The following TRIP12 variants were observed in gnomAD, a reference collection of about 807,000 sequenced individuals.
The protein encoded by TRIP12 is E3 ubiquitin-protein ligase TRIP12.
A neutral mutation model predicts 244.2 loss-of-function variants in TRIP12; 25 were observed. The observed-to-expected ratio is 0.10, with a 90% CI of 0.07 to 0.14. The LOEUF is 0.14. Ranked by LOEUF, TRIP12 falls within the 10% of genes least tolerant of loss-of-function variation. The pLI is 1.00. For missense variants in TRIP12, 1,677 were observed against 2,486.4 expected (o/e 0.67, Z 6.92); for synonymous variants, 905 against 873.1 (o/e 1.04, Z -0.64).
At chr2:229,922,243 A>T (rs996626455), upstream of TRIP12, 10 of 450,870 alleles carry the variant, frequency 2.2e-5, no homozygotes, top group Non-Finnish European at 3.6e-5. Context: ...GGGACTGTGG[A>T]GATCTACTTG....
chr2:229,888,938 G>T (rs370592065), intron 1 of TRIP12, among the ~76,000 whole-genome samples: 1 of 152,334 alleles, frequency 6.6e-6, no homozygotes, highest in African/African-American at 2.4e-5. Context: ...CAATAGCCAG[G>T]AGAGAAGGGA....
chr2:229,894,656 C>T (rs1017078072), intron 1 of TRIP12, among the ~76,000 whole-genome samples: 2 of 152,172 alleles, frequency 1.3e-5, no homozygotes, highest in African/African-American at 4.8e-5. Context: ...AGAATTTATA[C>T]ATGTGTGGCC....
chr2:229,897,322 C>A (rs2069131840), intron 1 of TRIP12, among the ~76,000 whole-genome samples: 1 of 152,204 alleles, frequency 6.6e-6, no homozygotes, highest in African/African-American at 2.4e-5. Flanking sequence ...TAAAACACTT[C>A]TCTCAGCAAC....
intron 9 of TRIP12, among the ~76,000 whole-genome samples, chr2:229,816,325 T>TAAA (rs11311195): frequency 3.6e-5 from 5 of 140,678 alleles, no homozygotes; most frequent in Non-Finnish European, 4.7e-5. Flanking sequence ...TTTCAGGACT[T>TAAA]AAAAAAAAAA....
Position 229,880,002 on chromosome 2 carries a change from T to C in TRIP12, c.78A>G (p.Gln26=). The part of the protein sequence containing the change: ...SQRNTAGAQP[Q]DDSIGGRSHL... ...CATACCTTCCTCCTATTGAGTCGTCTTGTGGTTGGGCCCCGGCAGTGTTCC... is the reference window on the plus strand; with the variant it reads ...CATACCTTCCTCCTATTGAGTCGTCCTGTGGTTGGGCCCCGGCAGTGTTCC... The change falls in exon 2 of 42, where the codon CAA becomes CAG. Residue 26 remains glutamine, a synonymous_variant. Transcript: ENST00000675903. The C allele has an allele frequency of 1.9e-6, 3 of 1,614,192 alleles. No homozygotes were observed. Among genetic ancestry groups the C allele is most frequent in the Admixed American group, 1.7e-5 (1 of 60,026 alleles).
chr2:229,891,630 G>T (rs1193047652), intron 1 of TRIP12, among the ~76,000 whole-genome samples: 1 of 151,996 alleles, frequency 6.6e-6, no homozygotes, highest in African/African-American at 2.4e-5. Flanking sequence ...AACACCAAAA[G>T]AAATTAAAAA....
chr2:229,803,715 A>G (rs372075598), intron 19 of TRIP12, 26 bp from the exon 20 acceptor site: 26 of 1,511,146 alleles, frequency 1.7e-5, no homozygotes, highest in Middle Eastern at 3.5e-4. Context: ...ATTTGTATAT[A>G]AAACTCTGCC....
chr2:229,764,600 G>C lies in TRIP12; in HGVS notation c.*2954C>G, dbSNP rs1421050995. 6.6e-6 allele frequency: 1 copy of C among 152,218 alleles called. No homozygotes were observed. The highest frequency in any genetic ancestry group is 1.9e-4 in the East Asian group (1 of 5,196). The allele number at this position is 152,218 out of a possible 1,614,324, so 9.4% of individuals were successfully genotyped here. On this transcript the variant is annotated 3_prime_UTR_variant, in exon 42 of 42. Transcript: ENST00000675903. ...AGAGTACAGCTGCAGCACCTGCTAA[G>C]CCAGAAGGAAGACGGCAAACTTACA...
chr2:229,887,994 A>T lies in TRIP12; in HGVS notation c.-49-7866T>A, dbSNP rs976232364. ...TAATCTCATTCTAAAATTCTTTATTAAATTGCCTATAAATACCCAGTTCCC... is the reference window on the plus strand; with the variant it reads ...TAATCTCATTCTAAAATTCTTTATTTAATTGCCTATAAATACCCAGTTCCC... On this transcript the variant is annotated intron_variant, in intron 1 of 41. Transcript: ENST00000675903. 2.6e-5 allele frequency among the ~76,000 whole-genome samples: 4 copies of T among 152,274 alleles called. No homozygotes were observed. The South Asian group carries it at 6.2e-4, about 24-fold the overall frequency.
In TRIP12 at chr2:229,797,808, T is replaced by C. The variant is rs1342617681; in HGVS notation, c.3506A>G (p.Lys1169Arg). 2 of 1,613,880 alleles carry C rather than the reference T, an allele frequency of 1.2e-6. No individual in the cohort carries two copies. Residue 1169 changes from lysine to arginine, a missense_variant, in exon 24 of 42, where the codon AAG (lysine) becomes AGG (arginine). Physicochemically the swap from Lys to Arg is conservative, Grantham distance 26 (BLOSUM62 2). Transcript: ENST00000675903. ...NNREKIKGWIKEQAHKFVERY... is the reference protein window; with the variant it reads ...NNREKIKGWIREQAHKFVERY... The stretch of plus-strand genomic sequence containing the variant: ...TTCTACAAATTTATGTGCCTGCTCC[T>C]TAATCCAACCTTTAATTTTTTCTCT...
chr2:229,803,711 AT>A, intron 19 of TRIP12, 22 bp from the exon 20 acceptor site: 1 of 1,528,292 alleles, frequency 6.5e-7, no homozygotes, highest in South Asian at 1.2e-5. Context: ...AAGCATTTGT[AT>A]ATAAAACTCT....
intron 38 of TRIP12, among the ~76,000 whole-genome samples, chr2:229,772,284 G>T (rs530122025): frequency 1.3e-5 from 2 of 152,288 alleles, no homozygotes; most frequent in African/African-American, 2.4e-5. Flanking sequence ...AAAATTATAA[G>T]CATTAGTATA....
chr2:229,843,202 AG>A (rs1157667117), intron 4 of TRIP12, among the ~76,000 whole-genome samples: 2 of 151,870 alleles, frequency 1.3e-5, no homozygotes, highest in African/African-American at 4.8e-5. Flanking sequence ...GTCACTGGTT[AG>A]ATTAATATAC....
At chr2:229,878,201 G>A (rs547493302) in intron 2 of TRIP12, among the ~76,000 whole-genome samples, 7 of 152,138 alleles carry the variant, frequency 4.6e-5, no homozygotes, top group South Asian at 2.1e-4. Flanking sequence ...CCTATAATCC[G>A]AGCACTCTGA....
chr2:229,897,167 A>G (rs2069072531), intron 1 of TRIP12, among the ~76,000 whole-genome samples: 1 of 152,258 alleles, frequency 6.6e-6, no homozygotes, highest in Non-Finnish European at 1.5e-5. Context: ...AAAAGGCATT[A>G]CCAGAGATAA....
chr2:229,917,380 CAAAAAAAAAAAAAAAAAAAAAAAAAA>C lies in TRIP12; in HGVS notation c.-50+4474_-50+4499del, dbSNP rs60397605. Among the ~76,000 whole-genome samples, 102 of 29,272 alleles carry C rather than the reference CAAAAAAAAAAAAAAAAAAAAAAAAAA, an allele frequency of 3.5e-3. 2 individuals carry two copies. Among genetic ancestry groups the C allele is most frequent in the African/African-American group, 0.012 (97 of 8,086 alleles). 19.2% of individuals were successfully genotyped at this position (29,272 alleles called of 152,430 possible). A position where few individuals can be genotyped will look rare whatever the true frequency, so the allele number is the denominator to read the frequency against. The stretch of plus-strand genomic sequence containing the variant: ...TGGGCAACAGAGCGAGACTCTGTCT[CAAAAAAAAAAAAAAAAAAAAAAAAAA>C]AAAAAAAAAAAAATTACCAAGCACT... On this transcript the variant is annotated intron_variant, in intron 1 of 41. Transcript: ENST00000675903.
At chr2:229,872,104 T>TAAAAAAAAAAAAA (rs34496202) in intron 2 of TRIP12, among the ~76,000 whole-genome samples, 5 of 105,260 alleles carry the variant, frequency 4.8e-5, no homozygotes, top group African/African-American at 1.0e-4. Flanking sequence ...ACAGATATTG[T>TAAAAAAAAAAAAA]AAAAAAAAAA....
At position 229,836,224 on chromosome 2, in the gene TRIP12, G is replaced by A. The variant is rs189153478; in HGVS notation, c.1270+624C>T. On this transcript the variant is annotated intron_variant, in intron 6 of 41. Coordinates refer to ENST00000675903, the MANE Select transcript of TRIP12 (RefSeq NM_001348323.3). ...GGACTCATACATATAAGCCTATAGT[G>A]ATTGATTTTAACATTTTTTTATCAG... Among the ~76,000 whole-genome samples, 265 of 152,294 alleles carry A rather than the reference G, an allele frequency of 1.7e-3. 1 individual carries two copies. Among genetic ancestry groups the A allele is most frequent in the South Asian group, 3.1e-3 (15 of 4,822 alleles).
chr2:229,802,411 G>C lies in TRIP12; in HGVS notation c.3047C>G (p.Thr1016Arg). The stretch of plus-strand genomic sequence containing the variant: ...ATTCGTACATGCCTTTGGTGGACTT[G>C]TCAACAAAGACTCTGATTCTGCTAA... ...KHLAESESLLTSPPKACTNGS... is the reference protein window; with the variant it reads ...KHLAESESLLRSPPKACTNGS... Residue 1016 changes from threonine to arginine, a missense_variant, in exon 21 of 42, where the codon ACA becomes AGA. This residue lies in a region of TRIP12 where 572 missense variants were observed against 867.8 expected (regional missense o/e 0.66). Coordinates refer to ENST00000675903, the MANE Select transcript of TRIP12 (RefSeq NM_001348323.3). 1 of 1,613,990 alleles carries C rather than the reference G, an allele frequency of 6.2e-7. No homozygotes were observed.
Sources: gnomAD v4.1 joint callset for allele counts (sites outside exome capture counted in the v4.1 genomes callset) on GRCh38, gnomAD v4.1.1 for gene constraint, gnomAD v4.1.1 regional missense constraint, MANE v1.5 for transcripts, NCBI Gene and HGNC (gene_info 2026-07-23, HGNC 2026-07-21) for gene names.